NPAS3: variants seen among roughly 807,000 people sequenced by gnomAD.
NPAS3 encodes the protein neuronal PAS domain-containing protein 3.
NPAS3 carries 14 observed loss-of-function variants against 73.1 expected under a neutral mutation model. The ratio of observed to expected loss-of-function variants is 0.19; its 90% confidence interval spans 0.13 to 0.30. The LOEUF (loss-of-function observed/expected upper bound fraction) is 0.30. Ranked by LOEUF, NPAS3 falls within the 10% of genes least tolerant of loss-of-function variation. NPAS3 has a pLI of 1.00. For synonymous variants in NPAS3, 620 were observed against 541.5 expected (o/e 1.14, Z -2.01); for missense variants, 1,096 against 1,250.0 (o/e 0.88, Z 1.86).
At position 33,792,894 on chromosome 14, in the gene NPAS3, G is replaced by A. The variant is rs551761056; in HGVS notation, c.1154-1003G>A. 3.9e-5 allele frequency among the ~76,000 whole-genome samples: 6 copies of A among 152,330 alleles called. No homozygotes were observed. In the South Asian group the frequency reaches 1.0e-3, roughly 26 times the overall value. ...GGCCAGCCAGCCGGTGAGCTTTCGC[G>A]GGGCGCCGAGTTGCTGCGATCCGCA... is the stretch of plus-strand genomic sequence containing the variant. On this transcript the variant is annotated intron_variant, in intron 9 of 11. Coordinates refer to ENST00000356141, the Ensembl canonical transcript of NPAS3.
In NPAS3 at chr14:33,446,166, CTTTTTTTTTTT is replaced by C. The variant is rs71118544; in HGVS notation, c.468+78908_468+78918del. Among the ~76,000 whole-genome samples, 18 of 120,010 alleles carry C rather than the reference CTTTTTTTTTTT, an allele frequency of 1.5e-4. No homozygotes were observed. In the Admixed American group the frequency reaches 1.6e-3, roughly 10 times the overall value. 78.7% of individuals were successfully genotyped at this position (120,010 alleles called of 152,430 possible). On this transcript the variant is annotated intron_variant, in intron 4 of 11. Coordinates refer to ENST00000356141, the Ensembl canonical transcript of NPAS3. ...CTTCTCTAGGGACACTTCATGCTTT[CTTTTTTTTTTT>C]TTTTTTTTTGAGACGGAGTCTCGCT...
intron 3 of NPAS3, among the ~76,000 whole-genome samples, chr14:33,343,370 T>A (rs1054278949): frequency 5.9e-5 from 9 of 152,188 alleles, no homozygotes; most frequent in African/African-American, 2.2e-4. Context: ...AGATTCTCAT[T>A]TCTATTTCCA....
chr14:32,969,376 G>T (rs1235011398), intron 1 of NPAS3, among the ~76,000 whole-genome samples: 2 of 152,156 alleles, frequency 1.3e-5, no homozygotes, highest in African/African-American at 4.8e-5. Flanking sequence ...GTACTAGGAG[G>T]TGTGGATTAT....
intron 2 of NPAS3, among the ~76,000 whole-genome samples, chr14:33,131,778 A>T (rs1181250912): frequency 6.6e-6 from 1 of 152,182 alleles, no homozygotes; most frequent in Non-Finnish European, 1.5e-5. Context: ...TCTCTGGCTT[A>T]GTTGGTAAGG....
intron 3 of NPAS3, among the ~76,000 whole-genome samples, chr14:33,310,815 A>G (rs2042972118): frequency 6.6e-6 from 1 of 151,886 alleles, no homozygotes; most frequent in Non-Finnish European, 1.5e-5. Flanking sequence ...ACACACACAC[A>G]CACACACACA....
intron 2 of NPAS3, among the ~76,000 whole-genome samples, chr14:33,116,568 A>C (rs1466434877): frequency 6.6e-6 from 1 of 152,150 alleles, no homozygotes; most frequent in Non-Finnish European, 1.5e-5. Context: ...TGCTTTAACA[A>C]ACCTTAAAAT....
intron 1 of NPAS3, among the ~76,000 whole-genome samples, chr14:32,993,060 G>C (rs1309962952): frequency 6.6e-6 from 1 of 150,820 alleles, no homozygotes; most frequent in African/African-American, 2.4e-5. Flanking sequence ...TGAGGCAGGA[G>C]AATATCTTGA....
chr14:33,574,130 A>G (rs1403762389), intron 5 of NPAS3, among the ~76,000 whole-genome samples: 2 of 152,120 alleles, frequency 1.3e-5, no homozygotes, highest in African/African-American at 2.4e-5. Context: ...TTATACCTGG[A>G]CCCAAAGGAA....
intron 8 of NPAS3, 55 bp from the exon 9 acceptor site, chr14:33,778,411 A>C: frequency 4.0e-6 from 5 of 1,237,314 alleles, no homozygotes; most frequent in Non-Finnish European, 5.9e-6. Flanking sequence ...GTTATTTGAC[A>C]GTTTCTTTAT....
chr14:33,000,970 A>G (rs1157276849), intron 1 of NPAS3, among the ~76,000 whole-genome samples: 1 of 152,236 alleles, frequency 6.6e-6, no homozygotes, highest in Non-Finnish European at 1.5e-5. Context: ...AAAGCTGAGT[A>G]TTTTTAGGAC....
At position 33,046,034 on chromosome 14, in the gene NPAS3, C is replaced by G. The variant is rs573780597; in HGVS notation, c.51-9871C>G. ...GAGTTCACACTTTTTAACAACAGAA[C>G]AAAACAACAAGAAGATTTATTAGGG... On this transcript the variant is annotated intron_variant, in intron 1 of 11. Coordinates refer to ENST00000356141, the Ensembl canonical transcript of NPAS3. Among the ~76,000 whole-genome samples, 39 of 152,016 alleles carry G rather than the reference C, an allele frequency of 2.6e-4. 2 individuals carry two copies. The South Asian group carries it at 8.1e-3, about 32-fold the overall frequency.
chr14:33,043,176 T>C (rs2040399500), intron 1 of NPAS3, among the ~76,000 whole-genome samples: 1 of 152,166 alleles, frequency 6.6e-6, no homozygotes, highest in Admixed American at 6.6e-5. Context: ...TGTTAAAAGA[T>C]TTATGATAAG....
At chr14:32,942,136 A>G (rs115769885) in intron 1 of NPAS3, among the ~76,000 whole-genome samples, 48 of 152,300 alleles carry the variant, frequency 3.2e-4, no homozygotes, top group African/African-American at 1.1e-3. Flanking sequence ...CTTTCTGTGG[A>G]TATGTTTTAA....
intron 2 of NPAS3, among the ~76,000 whole-genome samples, chr14:33,081,507 A>G (rs948630310): frequency 1.3e-5 from 2 of 152,196 alleles, no homozygotes; most frequent in African/African-American, 4.8e-5. Flanking sequence ...CACATGCTGC[A>G]AAGAGGTTAT....
chr14:33,778,807 CTGTGG>C (rs2062896424), intron 9 of NPAS3, among the ~76,000 whole-genome samples: 1 of 152,234 alleles, frequency 6.6e-6, no homozygotes, highest in South Asian at 2.1e-4. Flanking sequence ...ACCCAGAATT[CTGTGG>C]TGTCTTTTGC....
chr14:33,659,921 C>T (rs527448023), intron 5 of NPAS3, among the ~76,000 whole-genome samples: 6 of 152,186 alleles, frequency 3.9e-5, no homozygotes, highest in East Asian at 1.9e-4. Flanking sequence ...AAATGGACTT[C>T]GCTAAATGAA....
intron 2 of NPAS3, among the ~76,000 whole-genome samples, chr14:33,146,720 C>A (rs2044249138): frequency 6.6e-6 from 1 of 152,132 alleles, no homozygotes; most frequent in African/African-American, 2.4e-5. Context: ...CCTAAACATG[C>A]CTTAGCTGTG....
chr14:33,578,826 GAAAAC>G (rs369470796), intron 5 of NPAS3, among the ~76,000 whole-genome samples: 52 of 151,938 alleles, frequency 3.4e-4, no homozygotes, highest in African/African-American at 1.0e-3. Context: ...AACCACAGGG[GAAAAC>G]AAAACAAAAC....
At chr14:33,036,407 GC>G (rs2040170488) in intron 1 of NPAS3, among the ~76,000 whole-genome samples, 1 of 152,176 alleles carries the variant, frequency 6.6e-6, no homozygotes, top group Non-Finnish European at 1.5e-5. Flanking sequence ...ACTGTTTGGA[GC>G]CCTGTAGGGT....
Sources: gnomAD v4.1 joint callset for allele counts (sites outside exome capture counted in the v4.1 genomes callset) on GRCh38, gnomAD v4.1.1 for gene constraint, MANE v1.5 for transcripts, NCBI Gene and HGNC (gene_info 2026-07-23, HGNC 2026-07-21) for gene names.